The following ST3GAL5 variants were observed in gnomAD, a reference collection of about 807,000 sequenced individuals.
ST3GAL5 encodes the protein ST3 beta-galactoside alpha-2,3-sialyltransferase 5.
A neutral mutation model predicts 46.1 loss-of-function variants in ST3GAL5; 25 were observed. The observed-to-expected ratio is 0.54, with a 90% confidence interval of 0.40 to 0.76. The LOEUF (loss-of-function observed/expected upper bound fraction) is 0.76. ST3GAL5 is among the 30% of genes least tolerant of loss of function. The pLI, the probability that ST3GAL5 is intolerant of heterozygous loss-of-function variation, is 0.00. For synonymous variants in ST3GAL5, 182 were observed against 192.7 expected, an observed-to-expected ratio of 0.94 and a Z score of 0.46; for missense variants, 431 against 521.2, an observed-to-expected ratio of 0.83 and a Z score of 1.69.
rs11127001 is a variant in ST3GAL5, at chr2:85,838,133, G to C, written c.*2011C>G. On this transcript the variant is annotated 3_prime_UTR_variant, in exon 7 of 7. Coordinates refer to ENST00000638572, the MANE Select transcript of ST3GAL5 (RefSeq NM_003896.4). ...AAAAATATACCTTTTTAGGGTATCT[G>C]CTTACCACCTGAGTAAGTAAAAGTT... 6.6e-6 allele frequency: 1 copy of C among 152,064 alleles called. No homozygotes were observed. Among genetic ancestry groups the C allele is most frequent in the Non-Finnish European group, 1.5e-5 (1 of 68,060 alleles). 9.4% of individuals were successfully genotyped at this position (152,064 alleles called of 1,614,324 possible).
intron 1 of ST3GAL5, among the ~76,000 whole-genome samples, chr2:85,869,355 ATTGTGAGTGAGTTTATTTCT>A (rs1685654824): frequency 9.0e-6 from 1 of 110,642 alleles, no homozygotes; most frequent in Non-Finnish European, 1.9e-5. Context: ...TGGTGGTGCA[ATTGTGAGTGAGTTTATTTCT>A]TTTTGCATTC....
At chr2:85,857,660 G>C (rs770261751) in intron 3 of ST3GAL5, among the ~76,000 whole-genome samples, 13 of 152,138 alleles carry the variant, frequency 8.5e-5, no homozygotes, top group Non-Finnish European at 1.6e-4. Context: ...AAAGACTGGA[G>C]AGATCAGTAG....
intron 3 of ST3GAL5, among the ~76,000 whole-genome samples, chr2:85,852,329 G>A (rs1683607174): frequency 6.6e-6 from 1 of 152,158 alleles, no homozygotes; most frequent in Non-Finnish European, 1.5e-5. Context: ...TGTAAACTCT[G>A]GTGCTGGTCG....
intron 3 of ST3GAL5, among the ~76,000 whole-genome samples, chr2:85,860,345 A>G (rs1684582630): frequency 6.6e-6 from 1 of 152,150 alleles, no homozygotes; most frequent in African/African-American, 2.4e-5. Flanking sequence ...ATATATATAA[A>G]GCATCCATAC....
chr2:85,837,967 T>C lies in ST3GAL5; in HGVS notation c.*2177A>G, dbSNP rs944624532. On this transcript the variant is annotated 3_prime_UTR_variant, in exon 7 of 7. Transcript: ENST00000638572. ...GCAAAGGTCTGTTTTCAGAAGAGTG[T>C]GTGTGGGGTGGGGGAGTAATGGGGG... 1.3e-5 allele frequency: 2 copies of C among 152,036 alleles called. No homozygotes were observed. The highest frequency in any genetic ancestry group is 2.9e-5 in the Non-Finnish European group (2 of 68,080). 9.4% of individuals were successfully genotyped at this position (152,036 alleles called of 1,614,324 possible).
intron 1 of ST3GAL5, chr2:85,868,033 CT>C (rs1302354193): frequency 4.2e-6 from 1 of 235,730 alleles, no homozygotes; most frequent in African/African-American, 2.2e-5. Flanking sequence ...TTCCACGTCC[CT>C]CAACATCACA....
chr2:85,874,776 A>T (rs2030275), intron 1 of ST3GAL5, among the ~76,000 whole-genome samples: 47 of 150,960 alleles, frequency 3.1e-4, no homozygotes, highest in Admixed American at 1.0e-3. Flanking sequence ...AATGAACAGA[A>T]GAATGAATGA....
At chr2:85,849,129 GC>G (rs1186782598) in intron 3 of ST3GAL5, 1 of 152,308 alleles carries the variant, frequency 6.6e-6, no homozygotes, top group Non-Finnish European at 1.5e-5. Context: ...TATAATCTCA[GC>G]ACTTTGGGAG....
intron 1 of ST3GAL5, among the ~76,000 whole-genome samples, chr2:85,885,645 A>G (rs974240737): frequency 3.9e-5 from 6 of 151,964 alleles, no homozygotes; most frequent in Admixed American, 6.6e-5. Flanking sequence ...TGGCTAACAC[A>G]GTGAAACCCT....
At chr2:85,848,379 A>C in intron 3 of ST3GAL5, 175 bp from the exon 4 acceptor site, 3 of 1,548,536 alleles carry the variant, frequency 1.9e-6, no homozygotes, top group Non-Finnish European at 2.6e-6. Context: ...TTGAAGAAAC[A>C]ACCTGGGAGA....
At chr2:85,851,149 T>G (rs1478626623) in intron 3 of ST3GAL5, 19 of 640,778 alleles carry the variant, frequency 3.0e-5, no homozygotes, top group Non-Finnish European at 3.4e-5. Context: ...ACTCCTGACC[T>G]AGTGATCCAC....
In ST3GAL5 at chr2:85,853,077, G is replaced by T. The variant is rs763659230; in HGVS notation, c.319-4873C>A. 3.1e-6 allele frequency: 4 copies of T among 1,304,080 alleles called. No individual in the cohort carries two copies. The African/African-American group carries it at 4.6e-5, about 15-fold the overall frequency. The allele number at this position is 1,304,080 out of a possible 1,614,324, so 80.8% of individuals were successfully genotyped here. A position where few individuals can be genotyped will look rare whatever the true frequency, so the allele number is the denominator to read the frequency against. On this transcript the variant is annotated intron_variant, in intron 3 of 6. Transcript: ENST00000638572. ...TAATTAACTGCACGCAATGCCATCCGCAGGGAGATAAGGTCTTTAGCTCTC... is the reference window on the plus strand; with the variant it reads ...TAATTAACTGCACGCAATGCCATCCTCAGGGAGATAAGGTCTTTAGCTCTC...
intron 1 of ST3GAL5, chr2:85,870,347 G>T (rs1018563838): frequency 7.5e-5 from 33 of 437,708 alleles, no homozygotes; most frequent in Non-Finnish European, 1.3e-4. Flanking sequence ...AGGCGATGGT[G>T]GTTATAGGCC....
At chr2:85,861,076 A>C in intron 3 of ST3GAL5, 105 bp downstream of exon 3, 1 of 881,892 alleles carries the variant, frequency 1.1e-6, no homozygotes, top group Non-Finnish European at 1.9e-6. Flanking sequence ...TCTGAGTTCA[A>C]ACTTTTATTA....
At chr2:85,860,240 G>A (rs1423753349) in intron 3 of ST3GAL5, among the ~76,000 whole-genome samples, 2 of 152,188 alleles carry the variant, frequency 1.3e-5, no homozygotes, top group Non-Finnish European at 2.9e-5. Context: ...TAAACTAGAC[G>A]TGAACTTGGG....
At chr2:85,848,857 TA>T (rs202148551) in intron 3 of ST3GAL5, 2,432 of 157,574 alleles carry the variant, frequency 0.015, 53 homozygotes, top group African/African-American at 0.055. Context: ...TAACCACGAT[TA>T]AAAAAAAGGT....
rs943607268 is a variant in ST3GAL5, at chr2:85,848,471, C to T, written c.319-267G>A. On this transcript the variant is annotated intron_variant, in intron 3 of 6. Coordinates refer to ENST00000638572, the MANE Select transcript of ST3GAL5 (RefSeq NM_003896.4). ...CAAGAAGGACTCCCGCCTCCCACCC[C>T]CAGCCTAACACTGTTCAAATACATT... 3 of 1,297,212 alleles carry T rather than the reference C, an allele frequency of 2.3e-6. No individual in the cohort carries two copies. In the African/African-American group the frequency reaches 4.4e-5, roughly 19 times the overall value. The allele number at this position is 1,297,212 out of a possible 1,614,324, so 80.4% of individuals were successfully genotyped here.
chr2:85,845,628 G>A (rs1460121433), intron 5 of ST3GAL5: 1 of 152,632 alleles, frequency 6.6e-6, no homozygotes, highest in Non-Finnish European at 1.5e-5. Context: ...CTGCAGCAGG[G>A]CCTCTTTATA....
At position 85,858,534 on chromosome 2, in the gene ST3GAL5, C is replaced by A. The variant is rs188802555; in HGVS notation, c.318+2647G>T. 3.0e-3 allele frequency among the ~76,000 whole-genome samples: 456 copies of A among 152,350 alleles called. 2 individuals are homozygous for A. The highest frequency in any genetic ancestry group is 4.7e-3 in the Admixed American group (72 of 15,300). ...CCATGTTGGCCAGGCTGGTCTCGAA[C>A]TCCTGACCTCATGATCCGCCCACCT... On this transcript the variant is annotated intron_variant, in intron 3 of 6. Coordinates refer to ENST00000638572, the MANE Select transcript of ST3GAL5 (RefSeq NM_003896.4).
Sources: allele counts gnomAD v4.1 joint callset (sites outside exome capture counted in the v4.1 genomes callset), GRCh38; gene constraint gnomAD v4.1.1; transcripts MANE v1.5; gene names NCBI Gene and HGNC (gene_info 2026-07-23, HGNC 2026-07-21).